PDE4B: variants seen among roughly 807,000 people sequenced by gnomAD.
PDE4B encodes 3',5'-cyclic-AMP phosphodiesterase 4B.
PDE4B carries 20 observed loss-of-function variants against 82.2 expected under a neutral mutation model. The observed-to-expected ratio is 0.24, with a 90% confidence interval of 0.17 to 0.35. PDE4B has a LOEUF of 0.35. Ranked by LOEUF, PDE4B falls within the 10% of genes least tolerant of loss-of-function variation. The pLI, the probability that PDE4B is intolerant of heterozygous loss-of-function variation, is 1.00. For synonymous variants in PDE4B, 320 were observed against 318.9 expected (o/e 1.00, Z -0.04); for missense variants, 655 against 907.2 (o/e 0.72, Z 3.57).
intron 3 of PDE4B, among the ~76,000 whole-genome samples, chr1:65,928,847 C>T (rs1647666778): frequency 6.6e-6 from 1 of 152,164 alleles, no homozygotes; most frequent in African/African-American, 2.4e-5. Context: ...TTCAGCTAAC[C>T]AAGCAAATAA....
At chr1:65,887,188 T>TTC (rs1187842982) in intron 1 of PDE4B, among the ~76,000 whole-genome samples, 1 of 10,476 alleles carries the variant, frequency 9.5e-5, no homozygotes, top group Non-Finnish European at 1.9e-4. Context: ...CCCTCCCTTT[T>TTC]TCTTTCTTTC....
intron 3 of PDE4B, among the ~76,000 whole-genome samples, chr1:66,120,464 C>T (rs1645687262): frequency 6.6e-6 from 1 of 152,164 alleles, no homozygotes; most frequent in Non-Finnish European, 1.5e-5. Context: ...TCCTTCTTTC[C>T]ATCATATCTC....
chr1:66,067,950 G>T (rs918978097), intron 3 of PDE4B, among the ~76,000 whole-genome samples: 1 of 132,024 alleles, frequency 7.6e-6, no homozygotes. Flanking sequence ...GTTGTGGGGT[G>T]GGGGGAGGGG....
At chr1:66,023,102 A>G (rs775477933) in intron 3 of PDE4B, among the ~76,000 whole-genome samples, 3 of 152,118 alleles carry the variant, frequency 2.0e-5, no homozygotes, top group Non-Finnish European at 4.4e-5. Flanking sequence ...GAGAGCTCCC[A>G]ATAGCCTCTA....
intron 7 of PDE4B, among the ~76,000 whole-genome samples, chr1:66,276,519 C>T (rs1464878637): frequency 6.6e-6 from 1 of 152,192 alleles, no homozygotes; most frequent in African/African-American, 2.4e-5. Flanking sequence ...TACCAACAAC[C>T]TTAATAATTA....
chr1:66,044,036 TATTATACTAAATG>T (rs1654546546), intron 3 of PDE4B, among the ~76,000 whole-genome samples: 2 of 151,306 alleles, frequency 1.3e-5, no homozygotes, highest in Non-Finnish European at 3.0e-5. Flanking sequence ...ATACTAAATG[TATTATACTAAATG>T]TATTATATGT....
intron 1 of PDE4B, among the ~76,000 whole-genome samples, chr1:65,814,086 A>C (rs1645851290): frequency 6.6e-6 from 1 of 152,144 alleles, no homozygotes; most frequent in African/African-American, 2.4e-5. Context: ...AGGTGAACAG[A>C]AGGGCTGGGG....
chr1:65,857,766 T>A (rs1346723892), intron 1 of PDE4B, among the ~76,000 whole-genome samples: 1 of 152,230 alleles, frequency 6.6e-6, no homozygotes, highest in African/African-American at 2.4e-5. Context: ...CCAGATATAT[T>A]TGTTGGATAA....
chr1:66,069,524 T>C (rs1656043445), intron 3 of PDE4B, among the ~76,000 whole-genome samples: 1 of 152,030 alleles, frequency 6.6e-6, no homozygotes, highest in African/African-American at 2.4e-5. Context: ...ATTATACTAT[T>C]TTCTAGATTT....
chr1:66,131,994 G>T (rs1381626387), intron 3 of PDE4B, among the ~76,000 whole-genome samples: 1 of 152,138 alleles, frequency 6.6e-6, no homozygotes, highest in Non-Finnish European at 1.5e-5. Context: ...AAGAAAAGCA[G>T]TATGGCTGAA....
chr1:66,051,375 A>G (rs1310442583), intron 3 of PDE4B, among the ~76,000 whole-genome samples: 3 of 152,118 alleles, frequency 2.0e-5, no homozygotes, highest in Non-Finnish European at 4.4e-5. Context: ...TTATTGGGTC[A>G]GTATAGGAGA....
At chr1:66,351,466 G>T (rs1007752607) in intron 8 of PDE4B, among the ~76,000 whole-genome samples, 1 of 152,168 alleles carries the variant, frequency 6.6e-6, no homozygotes, top group Non-Finnish European at 1.5e-5. Context: ...TTAATAAATA[G>T]ATTCCAAAAG....
intron 3 of PDE4B, among the ~76,000 whole-genome samples, chr1:66,028,082 C>A (rs1653551455): frequency 6.6e-6 from 1 of 152,238 alleles, no homozygotes; most frequent in Non-Finnish European, 1.5e-5. Context: ...ATTGCCCTAG[C>A]AGAGGTTCTC....
At chr1:66,326,656 G>T (rs1390804374) in intron 7 of PDE4B, among the ~76,000 whole-genome samples, 1 of 152,198 alleles carries the variant, frequency 6.6e-6, no homozygotes, top group Non-Finnish European at 1.5e-5. Flanking sequence ...TAAAGGTTAT[G>T]TACAGCTCTT....
chr1:65,848,297 C>T (rs1383843442), intron 1 of PDE4B, among the ~76,000 whole-genome samples: 6 of 152,050 alleles, frequency 3.9e-5, no homozygotes, highest in Non-Finnish European at 5.9e-5. Context: ...TGCCACCACG[C>T]ATGGCTAATT....
chr1:66,100,141 C>G (rs1379530892), intron 3 of PDE4B, among the ~76,000 whole-genome samples: 3 of 151,530 alleles, frequency 2.0e-5, no homozygotes, highest in Non-Finnish European at 4.4e-5. Context: ...GCAGTCTCCC[C>G]CTCCTGAGTT....
chr1:66,011,773 A>T (rs1198695308), intron 3 of PDE4B, among the ~76,000 whole-genome samples: 1 of 152,122 alleles, frequency 6.6e-6, no homozygotes, highest in East Asian at 1.9e-4. Context: ...AAAATAATGT[A>T]ACATCTGAAA....
At chr1:65,953,319 C>A (rs530555103) in intron 3 of PDE4B, among the ~76,000 whole-genome samples, 1 of 152,170 alleles carries the variant, frequency 6.6e-6, no homozygotes, top group East Asian at 1.9e-4. Flanking sequence ...TCAGCCCACA[C>A]AATCCCAGGA....
chr1:65,938,182 C>G (rs1443019585), intron 3 of PDE4B, among the ~76,000 whole-genome samples: 2 of 152,184 alleles, frequency 1.3e-5, no homozygotes, highest in Non-Finnish European at 2.9e-5. Flanking sequence ...CTCTCCTCCA[C>G]TGGTGCCCAT....
Sources: allele counts gnomAD v4.1 joint callset (sites outside exome capture counted in the v4.1 genomes callset), GRCh38; gene constraint gnomAD v4.1.1; transcripts MANE v1.5; gene names NCBI Gene and HGNC (gene_info 2026-07-23, HGNC 2026-07-21).